FAM184A: variants seen among roughly 807,000 people sequenced by gnomAD.
FAM184A encodes the protein family with sequence similarity 184 member A.
Under a neutral mutation model 143.8 loss-of-function variants are expected in FAM184A, and 99 were observed. That is an observed-to-expected ratio of 0.69 (90% CI 0.58 to 0.81). FAM184A has a LOEUF of 0.81. Among genes scored for constraint, FAM184A ranks in the 40% least tolerant of loss-of-function variants. The probability of loss-of-function intolerance (pLI) is 0.00; values close to 1 mark genes in which losing one functional copy is unlikely to be tolerated. For missense variants in FAM184A, 1,217 were observed against 1,310.5 expected (o/e 0.93, Z 1.10); for synonymous variants, 427 against 446.4 (o/e 0.96, Z 0.55).
chr6:118,975,836 CA>C (rs1380788008), intron 12 of FAM184A, 80 bp downstream of exon 12: 4 of 1,345,996 alleles, frequency 3.0e-6, no homozygotes, highest in Non-Finnish European at 4.1e-6. Context: ...TAAGTTATTA[CA>C]AAATAATTTT....
chr6:118,970,008 A>ATATTTTTTTTTTT lies in FAM184A; in HGVS notation c.2916-3057_2916-3056insAAAAAAAAAAATA. The stretch of plus-strand genomic sequence containing the variant: ...ATATATATATAATATATATATATAT[A>ATATTTTTTTTTTT]TTTTTTTTTTTTTGAGATGGAGTTT... On this transcript the variant is annotated intron_variant, in intron 14 of 17. Transcript: ENST00000338891. Among the ~76,000 whole-genome samples the ATATTTTTTTTTTT allele has an allele frequency of 2.1e-4, 4 of 19,046 alleles. 1 individual carries two copies. The highest frequency in any genetic ancestry group is 3.4e-4 in the Non-Finnish European group (3 of 8,886). The allele number at this position is 19,046 out of a possible 152,430, so 12.5% of individuals were successfully genotyped here. A position where few individuals can be genotyped will look rare whatever the true frequency, so the allele number is the denominator to read the frequency against.
intron 1 of FAM184A, among the ~76,000 whole-genome samples, chr6:119,108,470 G>T (rs936699928): frequency 2.6e-5 from 4 of 152,102 alleles, no homozygotes; most frequent in African/African-American, 9.7e-5. Context: ...GCCAGCACTG[G>T]TGGCAATTTT....
intron 1 of FAM184A, among the ~76,000 whole-genome samples, chr6:119,117,766 C>CT: frequency 6.6e-6 from 1 of 152,264 alleles, no homozygotes; most frequent in South Asian, 2.1e-4. Context: ...TTGAACCCTC[C>CT]TTTTTAGTGA....
rs34681930 is a variant in FAM184A at position 119,024,451 on chromosome 6, T to C, written c.522A>G (p.Gln174=). The C allele has an allele frequency of 2.5e-6, 4 of 1,613,990 alleles. No homozygotes were observed. The African/African-American group carries it at 5.3e-5, about 22-fold the overall frequency. The change falls in exon 2 of 18, where the codon CAA becomes CAG. Residue 174 remains glutamine, a synonymous_variant. Coordinates refer to ENST00000338891, the MANE Select transcript of FAM184A (RefSeq NM_024581.6). ...TGTCTTTTTCAAACTGTACTTGAAGTTGTCCAAAGCTCCGTAATTTTTCTT... is the reference window on the plus strand; with the variant it reads ...TGTCTTTTTCAAACTGTACTTGAAGCTGTCCAAAGCTCCGTAATTTTTCTT... The part of the protein sequence containing the change: ...KFEEKLRSFG[Q]LQVQFEKDKR...
intron 1 of FAM184A, among the ~76,000 whole-genome samples, chr6:119,067,052 T>C (rs1787475847): frequency 1.3e-5 from 2 of 152,232 alleles, no homozygotes; most frequent in African/African-American, 4.8e-5. Context: ...AAGGTTTTGC[T>C]CCATGCCCTG....
In FAM184A at chr6:119,000,617, C is replaced by A. The variant is rs141457792; in HGVS notation, c.2088+2282G>T. On this transcript the variant is annotated intron_variant, in intron 9 of 17. Transcript: ENST00000338891. ...ACTCTCAAGAGATTCATAGGAAAGA[C>A]AAGTTATTTCACTCCTTTCCTCTAA... is the stretch of plus-strand genomic sequence containing the variant. Among the ~76,000 whole-genome samples, 8 of 152,264 alleles carry A rather than the reference C, an allele frequency of 5.3e-5. 1 individual carries two copies. The East Asian group carries it at 1.5e-3, about 29-fold the overall frequency.
intron 1 of FAM184A, among the ~76,000 whole-genome samples, chr6:119,065,805 T>C (rs756824643): frequency 2.0e-5 from 3 of 152,206 alleles, no homozygotes; most frequent in African/African-American, 7.2e-5. Context: ...TCCTAATCCA[T>C]GGCCCTCATA....
chr6:119,131,174 G>C (rs1221709893), intron 1 of FAM184A, among the ~76,000 whole-genome samples: 1 of 152,024 alleles, frequency 6.6e-6, no homozygotes, highest in Admixed American at 6.5e-5. Context: ...TGTATTTCTT[G>C]ATGCCAATGA....
intron 1 of FAM184A, among the ~76,000 whole-genome samples, chr6:119,057,350 T>C (rs1390727692): frequency 6.6e-6 from 1 of 152,230 alleles, no homozygotes; most frequent in African/African-American, 2.4e-5. Context: ...TATAAAAGTC[T>C]TTCTTACTAC....
chr6:118,994,460 G>A (rs1290979982), intron 9 of FAM184A, among the ~76,000 whole-genome samples: 8 of 151,698 alleles, frequency 5.3e-5, no homozygotes, highest in Admixed American at 4.6e-4. Flanking sequence ...GCTGGGGCAG[G>A]TGGATCACAA....
chr6:119,003,098 A>C, intron 8 of FAM184A, 49 bp from the exon 9 acceptor site: 1 of 1,504,746 alleles, frequency 6.6e-7, no homozygotes, highest in South Asian at 1.3e-5. Context: ...TATTCCTTTC[A>C]CTGACTGTAA....
intron 1 of FAM184A, among the ~76,000 whole-genome samples, chr6:119,148,488 G>A (rs978235362): frequency 2.6e-5 from 4 of 152,086 alleles, no homozygotes; most frequent in African/African-American, 4.8e-5. Context: ...CTGTCCCCAC[G>A]GCCAAGTCCA....
intron 1 of FAM184A, among the ~76,000 whole-genome samples, chr6:119,089,522 T>A (rs1473807052): frequency 2.6e-5 from 4 of 152,160 alleles, no homozygotes. Flanking sequence ...AGGCTGGTCC[T>A]GAACTCCTGG....
In FAM184A at chr6:119,052,422, G is replaced by A. The variant is rs958493647; in HGVS notation, c.159+25719C>T. Among the ~76,000 whole-genome samples the A allele has an allele frequency of 5.3e-5, 8 of 152,108 alleles. 1 individual carries two copies. The South Asian group carries it at 1.5e-3, about 28-fold the overall frequency. ...CTATTTCCATCACAACCACCCTAAT[G>A]CAAGCCACCACCATCTGGCATTAGG... On this transcript the variant is annotated intron_variant, in intron 1 of 17. Coordinates refer to ENST00000338891, the MANE Select transcript of FAM184A (RefSeq NM_024581.6).
At chr6:119,068,570 G>A (rs559761664) in intron 1 of FAM184A, among the ~76,000 whole-genome samples, 4 of 152,298 alleles carry the variant, frequency 2.6e-5, no homozygotes, top group South Asian at 4.1e-4. Flanking sequence ...AGGAAGTGGT[G>A]AAGGTGAACT....
chr6:119,115,187 A>G (rs1239545153), intron 1 of FAM184A, among the ~76,000 whole-genome samples: 2 of 152,216 alleles, frequency 1.3e-5, no homozygotes, highest in African/African-American at 4.8e-5. Flanking sequence ...TCACAAAGAA[A>G]CTGTTTATTC....
In FAM184A at chr6:119,024,742, T is replaced by G. The variant is rs190168250; in HGVS notation, c.231A>C (p.Glu77Asp). ...CAGCAAGAATTTGTTGAATTTCTTCTTCATGAGCATCTTTGAGGGCTTGAA... is the reference window on the plus strand; with the variant it reads ...CAGCAAGAATTTGTTGAATTTCTTCGTCATGAGCATCTTTGAGGGCTTGAA... ...SAIQALKDAH[E>D]EEIQQILAET... Residue 77 changes from glutamate to aspartate, a missense_variant, in exon 2 of 18, where the codon GAA becomes GAC. Coordinates refer to ENST00000338891, the MANE Select transcript of FAM184A (RefSeq NM_024581.6). 5.1e-5 allele frequency: 82 copies of G among 1,613,684 alleles called. 2 individuals are homozygous for G. The East Asian group carries it at 1.6e-3, about 32-fold the overall frequency.
chr6:119,022,040 T>TTTTTCG (rs1785462199), intron 3 of FAM184A, among the ~76,000 whole-genome samples: 1 of 148,774 alleles, frequency 6.7e-6, no homozygotes, highest in Non-Finnish European at 1.5e-5. Context: ...GTGTGCTTCA[T>TTTTTCG]TTTTCGTTCT....
intron 10 of FAM184A, 118 bp from the exon 11 acceptor site, chr6:118,979,636 C>G (rs1783958387): frequency 1.3e-6 from 1 of 765,630 alleles, no homozygotes; most frequent in Non-Finnish European, 2.0e-6. Context: ...GTTTTAGGTT[C>G]ATTTTCAAGA....
Sources: allele counts gnomAD v4.1 joint callset (sites outside exome capture counted in the v4.1 genomes callset), GRCh38; gene constraint gnomAD v4.1.1; transcripts MANE v1.5; gene names NCBI Gene and HGNC (gene_info 2026-07-23, HGNC 2026-07-21).